THSD7B: variants seen among roughly 807,000 people sequenced by gnomAD.
THSD7B encodes thrombospondin type-1 domain-containing protein 7B.
THSD7B carries 138 observed loss-of-function variants against 213.6 expected under a neutral mutation model. The observed-to-expected ratio is 0.65, with a 90% CI of 0.56 to 0.74. The LOEUF (loss-of-function observed/expected upper bound fraction) is 0.74, where lower values mean the gene tolerates loss of function less well. THSD7B is among the 30% of genes least tolerant of loss of function. The probability of loss-of-function intolerance (pLI) is 0.00; values close to 1 mark genes in which losing one functional copy is unlikely to be tolerated. For synonymous variants in THSD7B, 742 were observed against 687.0 expected (o/e 1.08, Z -1.25); for missense variants, 1,931 against 1,991.5 (o/e 0.97, Z 0.58).
intron 12 of THSD7B, among the ~76,000 whole-genome samples, chr2:137,314,295 A>G (rs1006547209): frequency 1.6e-4 from 25 of 152,302 alleles, no homozygotes; most frequent in South Asian, 6.2e-4. Context: ...CCAGTTGATC[A>G]CATCGGCTCC....
intron 2 of THSD7B, among the ~76,000 whole-genome samples, chr2:137,050,478 A>C (rs938448541): frequency 6.6e-6 from 1 of 152,224 alleles, no homozygotes; most frequent in Non-Finnish European, 1.5e-5. Context: ...TGGATTTACA[A>C]TGTGCTATTA....
At chr2:137,660,204 G>T (rs1007713248) in intron 25 of THSD7B, among the ~76,000 whole-genome samples, 1 of 151,612 alleles carries the variant, frequency 6.6e-6, no homozygotes, top group Non-Finnish European at 1.5e-5. Context: ...TATGTGTATG[G>T]GGTGGCGGTT....
intron 2 of THSD7B, among the ~76,000 whole-genome samples, chr2:136,994,336 G>A (rs1336264227): frequency 6.6e-6 from 1 of 152,198 alleles, no homozygotes; most frequent in African/African-American, 2.4e-5. Context: ...GGAGGCTGAG[G>A]TGGGCAGATC....
intron 22 of THSD7B, 146 bp from the exon 23 acceptor site, chr2:137,656,649 TG>T: frequency 1.4e-6 from 1 of 713,564 alleles, no homozygotes; most frequent in South Asian, 3.4e-5. Context: ...TAGTACATTC[TG>T]ATTGGAAAAT....
At chr2:136,766,145 T>C (rs1312606005) in intron 1 of THSD7B, among the ~76,000 whole-genome samples, 1 of 152,180 alleles carries the variant, frequency 6.6e-6, no homozygotes, top group East Asian at 1.9e-4. Context: ...TCTGCAGGCT[T>C]TGCAAACAGG....
intron 20 of THSD7B, among the ~76,000 whole-genome samples, chr2:137,630,184 G>A (rs755544106): frequency 6.6e-6 from 1 of 152,044 alleles, no homozygotes; most frequent in Non-Finnish European, 1.5e-5. Flanking sequence ...TGTAGAAACT[G>A]GGTTATGCCA....
intron 12 of THSD7B, among the ~76,000 whole-genome samples, chr2:137,382,603 T>A (rs1433294010): frequency 6.6e-6 from 1 of 152,228 alleles, no homozygotes; most frequent in Non-Finnish European, 1.5e-5. Flanking sequence ...GCTGCAGTCA[T>A]CATGCAGATG....
intron 15 of THSD7B, among the ~76,000 whole-genome samples, chr2:137,558,129 G>C (rs1573707312): frequency 6.6e-6 from 1 of 152,104 alleles, no homozygotes; most frequent in Admixed American, 6.5e-5. Flanking sequence ...AATTCTACCA[G>C]AGGTACAAGG....
chr2:137,025,774 T>C, intron 2 of THSD7B, among the ~76,000 whole-genome samples: 1 of 152,130 alleles, frequency 6.6e-6, no homozygotes, highest in East Asian at 1.9e-4. Flanking sequence ...CATGGCTTCA[T>C]CTACTTGCAA....
At chr2:136,921,921 G>T (rs1684444360) in intron 2 of THSD7B, among the ~76,000 whole-genome samples, 1 of 152,214 alleles carries the variant, frequency 6.6e-6, no homozygotes, top group South Asian at 2.1e-4. Context: ...TGTAAAGAAA[G>T]GTTGGAGAAG....
At chr2:137,582,546 G>A (rs1340094611) in intron 17 of THSD7B, among the ~76,000 whole-genome samples, 1 of 137,388 alleles carries the variant, frequency 7.3e-6, no homozygotes, top group Non-Finnish European at 1.5e-5. Flanking sequence ...GTGTCCGAGT[G>A]TTCTCATTGT....
chr2:137,251,022 C>T lies in THSD7B; in HGVS notation c.2266+8450C>T, dbSNP rs370550307. On this transcript the variant is annotated intron_variant, in intron 10 of 27. Transcript: ENST00000409968. ...TGTTCCTCTGAAGGATTGTGAACTC[C>T]TTGAGGGCTTAAACCTTGCCCTTTT... Among the ~76,000 whole-genome samples the T allele has an allele frequency of 4.6e-5, 7 of 152,288 alleles. No homozygotes were observed. The East Asian group carries it at 7.7e-4, about 17-fold the overall frequency.
chr2:136,920,744 G>A (rs1427878028), intron 2 of THSD7B, among the ~76,000 whole-genome samples: 1 of 152,108 alleles, frequency 6.6e-6, no homozygotes, highest in East Asian at 1.9e-4. Context: ...GCACCGAGAG[G>A]CACCTGTAGG....
intron 7 of THSD7B, among the ~76,000 whole-genome samples, chr2:137,176,292 A>T (rs1051709333): frequency 6.6e-6 from 1 of 152,248 alleles, no homozygotes; most frequent in Non-Finnish European, 1.5e-5. Flanking sequence ...TGGTTAAAAT[A>T]AATATGCGGT....
intron 12 of THSD7B, among the ~76,000 whole-genome samples, chr2:137,356,131 C>G (rs1357347573): frequency 6.6e-6 from 1 of 152,094 alleles, no homozygotes; most frequent in East Asian, 1.9e-4. Flanking sequence ...GTGTGAACCA[C>G]AACTGCTAAT....
At chr2:137,670,486 TA>T (rs1211943817) in intron 27 of THSD7B, among the ~76,000 whole-genome samples, 1 of 19,264 alleles carries the variant, frequency 5.2e-5, no homozygotes, top group Non-Finnish European at 2.5e-4. Context: ...TTTTTTAAAA[TA>T]GAAAAAAAAT....
At chr2:137,518,749 A>AT (rs1680122203) in intron 15 of THSD7B, among the ~76,000 whole-genome samples, 2 of 152,266 alleles carry the variant, frequency 1.3e-5, no homozygotes, top group South Asian at 2.1e-4. Context: ...GAGGTTACGC[A>AT]TGGGCTCAGC....
chr2:137,535,988 G>A (rs530254633), intron 15 of THSD7B, among the ~76,000 whole-genome samples: 1 of 151,022 alleles, frequency 6.6e-6, no homozygotes, highest in South Asian at 2.1e-4. Flanking sequence ...CAGATAAATA[G>A]GCAAGGTTTG....
chr2:137,631,712 CA>C, intron 20 of THSD7B, among the ~76,000 whole-genome samples: 1 of 152,164 alleles, frequency 6.6e-6, no homozygotes, highest in South Asian at 2.1e-4. Flanking sequence ...TTTACTGTAT[CA>C]AGTAATTCGT....
Sources: gnomAD v4.1 joint callset for allele counts (sites outside exome capture counted in the v4.1 genomes callset) on GRCh38, gnomAD v4.1.1 for gene constraint, MANE v1.5 for transcripts, NCBI Gene and HGNC (gene_info 2026-07-23, HGNC 2026-07-21) for gene names.